Variants in ADAMTSL3 observed in about 807,000 individuals in gnomAD.
ADAMTSL3 encodes ADAMTS-like protein 3.
ADAMTSL3 carries 128 observed loss-of-function variants against 201.7 expected under a neutral mutation model. The ratio of observed to expected loss-of-function variants is 0.63; its 90% CI spans 0.55 to 0.73. The LOEUF (loss-of-function observed/expected upper bound fraction) is 0.73, where lower values mean the gene tolerates loss of function less well. Among genes scored for constraint, ADAMTSL3 ranks in the 30% least tolerant of loss-of-function variants. The pLI is 0.00. For synonymous variants in ADAMTSL3, 738 were observed against 748.4 expected (o/e 0.99, Z 0.23); for missense variants, 1,990 against 2,119.6 (o/e 0.94, Z 1.20).
intron 23 of ADAMTSL3, among the ~76,000 whole-genome samples, chr15:84,005,367 T>G (rs887563229): frequency 6.6e-5 from 10 of 152,240 alleles, no homozygotes; most frequent in African/African-American, 2.2e-4. Flanking sequence ...ATGTCCATGG[T>G]TCTCCCTTTG....
At position 83,820,000 on chromosome 15, in the gene ADAMTSL3, C is replaced by T; in HGVS notation, c.553C>T (p.Arg185Cys). The stretch of plus-strand genomic sequence containing the variant: ...GGCACCTAAGGTACTGGATGGAACT[C>T]GTTGCAACACGGACTCCTTGGACAT... ...ELAPKVLDGTRCNTDSLDMCI... is the reference protein window; with the variant it reads ...ELAPKVLDGTCCNTDSLDMCI... Residue 185 changes from arginine (R) to cysteine (C), a missense_variant, in exon 6 of 30, where the codon CGT (arginine) becomes TGT (cysteine). Physicochemically the swap from Arg to Cys is radical, Grantham distance 180. Coordinates refer to ENST00000286744, the MANE Select transcript of ADAMTSL3 (RefSeq NM_207517.3). The T allele has an allele frequency of 5.0e-6, 8 of 1,614,154 alleles. No individual in the cohort carries two copies. Among genetic ancestry groups the T allele is most frequent in the Non-Finnish European group, 5.9e-6 (7 of 1,180,030 alleles).
chr15:83,780,583 A>G (rs1222459532), intron 4 of ADAMTSL3, among the ~76,000 whole-genome samples: 2 of 152,158 alleles, frequency 1.3e-5, no homozygotes, highest in Non-Finnish European at 2.9e-5. Context: ...CACTACTCCT[A>G]TTCAACATAG....
intron 6 of ADAMTSL3, among the ~76,000 whole-genome samples, chr15:83,821,577 A>G (rs1818865359): frequency 1.3e-5 from 2 of 151,066 alleles, no homozygotes; most frequent in African/African-American, 4.9e-5. Flanking sequence ...ACAGATCAAC[A>G]GGATCCCAAG....
At chr15:83,737,781 G>A (rs72746905) in intron 3 of ADAMTSL3, among the ~76,000 whole-genome samples, 13,512 of 152,068 alleles carry the variant, frequency 0.089, 780 homozygotes, top group East Asian at 0.28. Context: ...CCGATACATC[G>A]TGTTAAAATT....
intron 2 of ADAMTSL3, among the ~76,000 whole-genome samples, chr15:83,702,033 T>C (rs2061785252): frequency 6.6e-6 from 1 of 152,188 alleles, no homozygotes; most frequent in Non-Finnish European, 1.5e-5. Context: ...AGGTCCAGGC[T>C]GAGGTGGTCT....
chr15:83,737,829 A>C (rs1369086312), intron 3 of ADAMTSL3, among the ~76,000 whole-genome samples: 1 of 152,158 alleles, frequency 6.6e-6, no homozygotes, highest in African/African-American at 2.4e-5. Context: ...TCCAGAAAAC[A>C]CTCATATTAC....
intron 3 of ADAMTSL3, among the ~76,000 whole-genome samples, chr15:83,748,945 A>G (rs1416599195): frequency 6.6e-6 from 1 of 152,142 alleles, no homozygotes; most frequent in East Asian, 1.9e-4. Flanking sequence ...GGAGTTTAAC[A>G]TGCAAGATGG....
intron 3 of ADAMTSL3, among the ~76,000 whole-genome samples, chr15:83,756,058 G>C (rs1337290912): frequency 6.6e-6 from 1 of 152,144 alleles, no homozygotes; most frequent in Non-Finnish European, 1.5e-5. Context: ...ACTGCATCTG[G>C]CCCCCTGCTT....
rs767546793 is a variant in ADAMTSL3, at chr15:83,858,749, G to T, written c.728-17G>T. The T allele has an allele frequency of 6.2e-7, 1 of 1,606,936 alleles. No homozygotes were observed. Among genetic ancestry groups the T allele is most frequent in the Non-Finnish European group, 8.5e-7 (1 of 1,176,338 alleles). Reference sequence around the variant, plus strand: ...AGTGTACTGGTTTTATTGCAGTTGCGTTCTGTTCTTTCCCAGGAGAAGAAA... The same window carrying T: ...AGTGTACTGGTTTTATTGCAGTTGCTTTCTGTTCTTTCCCAGGAGAAGAAA... On this transcript the variant is annotated splice_polypyrimidine_tract_variant and intron_variant, in intron 7 of 29. Coordinates refer to ENST00000286744, the MANE Select transcript of ADAMTSL3 (RefSeq NM_207517.3).
intron 3 of ADAMTSL3, among the ~76,000 whole-genome samples, chr15:83,764,991 A>C (rs1190406525): frequency 6.6e-6 from 1 of 152,204 alleles, no homozygotes; most frequent in African/African-American, 2.4e-5. Flanking sequence ...AATTAGGAGC[A>C]CATTGACTAG....
At chr15:84,017,875 A>G (rs1285416792) in intron 25 of ADAMTSL3, among the ~76,000 whole-genome samples, 1 of 152,200 alleles carries the variant, frequency 6.6e-6, no homozygotes, top group Non-Finnish European at 1.5e-5. Flanking sequence ...CAGATACTGT[A>G]AAGCACTGGG....
At chr15:83,861,018 T>A (rs1329771817) in intron 8 of ADAMTSL3, among the ~76,000 whole-genome samples, 2 of 152,240 alleles carry the variant, frequency 1.3e-5, no homozygotes, top group Non-Finnish European at 2.9e-5. Flanking sequence ...CAGGAGATTA[T>A]ATCCCACGTC....
At chr15:83,995,558 T>C (rs1241329967) in intron 23 of ADAMTSL3, among the ~76,000 whole-genome samples, 3 of 151,818 alleles carry the variant, frequency 2.0e-5, no homozygotes, top group African/African-American at 4.8e-5. Context: ...AATAGAAAAA[T>C]TAGAACTAGA....
At chr15:83,699,003 T>C (rs927835657) in intron 2 of ADAMTSL3, among the ~76,000 whole-genome samples, 2 of 152,040 alleles carry the variant, frequency 1.3e-5, no homozygotes, top group Non-Finnish European at 2.9e-5. Context: ...TTCTACTTAA[T>C]TTCAAATATT....
At chr15:83,845,357 A>G (rs1214932610) in intron 7 of ADAMTSL3, among the ~76,000 whole-genome samples, 2 of 152,216 alleles carry the variant, frequency 1.3e-5, no homozygotes, top group Admixed American at 1.3e-4. Flanking sequence ...CTAGGAGCTC[A>G]GTTAATGTTG....
intron 26 of ADAMTSL3, among the ~76,000 whole-genome samples, chr15:84,024,832 A>G (rs911152932): frequency 6.6e-6 from 1 of 152,248 alleles, no homozygotes; most frequent in Non-Finnish European, 1.5e-5. Context: ...GAATTATACA[A>G]GCTAACATGT....
intron 19 of ADAMTSL3, among the ~76,000 whole-genome samples, chr15:83,944,370 G>A (rs1052942824): frequency 3.3e-5 from 5 of 152,126 alleles, no homozygotes; most frequent in African/African-American, 1.2e-4. Flanking sequence ...TGTTATCAGT[G>A]TCTTGTAACC....
intron 3 of ADAMTSL3, among the ~76,000 whole-genome samples, chr15:83,763,842 T>G (rs1474416092): frequency 6.6e-6 from 1 of 152,204 alleles, no homozygotes; most frequent in East Asian, 1.9e-4. Flanking sequence ...TTTGGCAGAA[T>G]ATACAATCAT....
intron 2 of ADAMTSL3, among the ~76,000 whole-genome samples, chr15:83,692,707 A>AAG (rs1491064295): frequency 2.0e-5 from 3 of 150,444 alleles, no homozygotes; most frequent in African/African-American, 7.3e-5. Flanking sequence ...AAAAAAAAAA[A>AAG]GAATTTTGAA....
Sources: allele counts gnomAD v4.1 joint callset (sites outside exome capture counted in the v4.1 genomes callset), GRCh38; gene constraint gnomAD v4.1.1; transcripts MANE v1.5; gene names NCBI Gene and HGNC (gene_info 2026-07-23, HGNC 2026-07-21).